ELP3: variants seen among roughly 807,000 people sequenced by gnomAD.
ELP3 encodes elongator complex protein 3.
In ELP3, 56 loss-of-function variants were observed where a neutral mutation model predicts 74.9. That is an observed-to-expected ratio of 0.75 (90% CI 0.60 to 0.93). ELP3 has a LOEUF of 0.93. ELP3 is among the 40% of genes least tolerant of loss of function. The pLI is 0.00. For synonymous variants in ELP3, 222 were observed against 239.8 expected, an observed-to-expected ratio of 0.93 and a Z score of 0.68; for missense variants, 573 against 686.5, an observed-to-expected ratio of 0.83 and a Z score of 1.85.
chr8:28,125,810 T>C (rs1054137908), intron 7 of ELP3, among the ~76,000 whole-genome samples: 1 of 150,660 alleles, frequency 6.6e-6, no homozygotes, highest in African/African-American at 2.4e-5. Context: ...CCAGCTAGAT[T>C]GTTAAGCATG....
intron 7 of ELP3, chr8:28,118,850 A>T (rs1286381320): frequency 6.6e-6 from 1 of 152,212 alleles, no homozygotes; most frequent in Non-Finnish European, 1.5e-5. Context: ...GGAATTTTAA[A>T]TTCATTTCCC....
At chr8:28,162,338 C>T (rs1258070331) in intron 14 of ELP3, among the ~76,000 whole-genome samples, 7 of 152,150 alleles carry the variant, frequency 4.6e-5, no homozygotes, top group African/African-American at 1.2e-4. Flanking sequence ...TCAGCATGGT[C>T]GCCTCCTCTT....
Position 28,099,813 on chromosome 8 carries a change from A to T in ELP3, c.120-15A>T, listed in dbSNP as rs1296163109. On this transcript the variant is annotated splice_polypyrimidine_tract_variant and intron_variant, in intron 2 of 14. Transcript: ENST00000256398. ...ATAACCGTAATCTTGATAATGTGAG[A>T]TGCTTTACTTTCAGGGTGAAAACCA... The T allele has an allele frequency of 6.2e-7, 1 of 1,614,052 alleles. No individual in the cohort carries two copies. Among genetic ancestry groups the T allele is most frequent in the African/African-American group, 1.3e-5 (1 of 75,024 alleles).
chr8:28,155,223 T>C (rs1813781207), intron 10 of ELP3, among the ~76,000 whole-genome samples: 2 of 152,194 alleles, frequency 1.3e-5, no homozygotes, highest in Non-Finnish European at 2.9e-5. Flanking sequence ...CCGAGCATAT[T>C]TTTACTTCAG....
chr8:28,096,260 A>T (rs558397653), intron 1 of ELP3, among the ~76,000 whole-genome samples: 1 of 152,364 alleles, frequency 6.6e-6, no homozygotes, highest in Non-Finnish European at 1.5e-5. Context: ...TGAATTGTAT[A>T]ATTATTTCAT....
intron 3 of ELP3, among the ~76,000 whole-genome samples, chr8:28,103,197 C>G (rs774217264): frequency 6.6e-6 from 1 of 151,594 alleles, no homozygotes; most frequent in Non-Finnish European, 1.5e-5. Flanking sequence ...AACAAACAAA[C>G]AAAAACAGCT....
intron 13 of ELP3, among the ~76,000 whole-genome samples, chr8:28,161,155 G>A (rs1195928516): frequency 6.6e-6 from 1 of 152,292 alleles, no homozygotes; most frequent in East Asian, 1.9e-4. Flanking sequence ...TCTAACCCCA[G>A]ACAACCTACC....
chr8:28,093,356 C>T (rs1266293585), intron 1 of ELP3, 123 bp downstream of exon 1: 1 of 1,379,118 alleles, frequency 7.3e-7, no homozygotes, highest in Non-Finnish European at 9.9e-7. Context: ...GCCCCGCCAC[C>T]TAGGGTCAGT....
At chr8:28,179,424 T>C (rs1814906264) in intron 14 of ELP3, among the ~76,000 whole-genome samples, 1 of 152,226 alleles carries the variant, frequency 6.6e-6, no homozygotes, top group Non-Finnish European at 1.5e-5. Context: ...CAAATGTCTT[T>C]ACTTTGCATT....
intron 10 of ELP3, 87 bp from the exon 11 acceptor site, chr8:28,155,855 C>T: frequency 1.8e-6 from 2 of 1,130,538 alleles, no homozygotes; most frequent in East Asian, 2.5e-5. Context: ...TATTTTTGTT[C>T]TTTTTAACTT....
At chr8:28,094,822 C>T (rs1811192446) in intron 1 of ELP3, among the ~76,000 whole-genome samples, 1 of 152,126 alleles carries the variant, frequency 6.6e-6, no homozygotes, top group Admixed American at 6.5e-5. Context: ...TGGATCCTGT[C>T]TTAGATTTTG....
chr8:28,184,868 C>G (rs1267771895), intron 14 of ELP3, among the ~76,000 whole-genome samples: 1 of 151,896 alleles, frequency 6.6e-6, no homozygotes, highest in Non-Finnish European at 1.5e-5. Context: ...GAGTAGAAAG[C>G]TCGAAACTCA....
chr8:28,103,791 G>A (rs1811582294), intron 3 of ELP3, among the ~76,000 whole-genome samples: 1 of 152,224 alleles, frequency 6.6e-6, no homozygotes, highest in East Asian at 1.9e-4. Flanking sequence ...AGAGTGTGGT[G>A]GCATGATCAC....
chr8:28,103,553 G>T (rs1811573736), intron 3 of ELP3, among the ~76,000 whole-genome samples: 1 of 152,144 alleles, frequency 6.6e-6, no homozygotes, highest in Non-Finnish European at 1.5e-5. Context: ...GCTTACTTGA[G>T]TAACTGTCAA....
chr8:28,148,020 T>C (rs747551331), intron 10 of ELP3, among the ~76,000 whole-genome samples: 2 of 152,152 alleles, frequency 1.3e-5, no homozygotes, highest in South Asian at 4.1e-4. Context: ...TGTACTGATA[T>C]ACATAAATGA....
chr8:28,123,405 A>G (rs1302700066), intron 7 of ELP3, among the ~76,000 whole-genome samples: 1 of 152,158 alleles, frequency 6.6e-6, no homozygotes, highest in Non-Finnish European at 1.5e-5. Flanking sequence ...TTGGTGTTTT[A>G]AAATTTATTG....
intron 6 of ELP3, among the ~76,000 whole-genome samples, chr8:28,111,136 G>T (rs1181586976): frequency 6.6e-6 from 1 of 152,134 alleles, no homozygotes; most frequent in Non-Finnish European, 1.5e-5. Context: ...CTACAAAGGA[G>T]TACAAAGAAC....
intron 14 of ELP3, among the ~76,000 whole-genome samples, chr8:28,173,936 T>C (rs986430782): frequency 3.3e-5 from 5 of 152,072 alleles, no homozygotes; most frequent in African/African-American, 1.2e-4. Context: ...TCTAGTTTCA[T>C]TTCTTTGTGA....
chr8:28,182,475 C>A (rs150763497), intron 14 of ELP3, among the ~76,000 whole-genome samples: 1 of 152,276 alleles, frequency 6.6e-6, no homozygotes, highest in East Asian at 1.9e-4. Context: ...GCAGGAGAAT[C>A]GTTTGAAGCT....
Sources: allele counts gnomAD v4.1 joint callset (sites outside exome capture counted in the v4.1 genomes callset), GRCh38; gene constraint gnomAD v4.1.1; transcripts MANE v1.5; gene names NCBI Gene and HGNC (gene_info 2026-07-23, HGNC 2026-07-21).